The following LIMCH1 variants were observed in gnomAD, a reference collection of about 807,000 sequenced individuals.
LIMCH1 encodes the protein LIM and calponin homology domains-containing protein 1.
Under a neutral mutation model 176.5 loss-of-function variants are expected in LIMCH1, and 113 were observed. The observed-to-expected ratio is 0.64, with a 90% CI of 0.55 to 0.75. The LOEUF (loss-of-function observed/expected upper bound fraction) is 0.75, where lower values mean the gene tolerates loss of function less well. Ranked by LOEUF, LIMCH1 falls within the 30% of genes least tolerant of loss-of-function variation. LIMCH1 has a pLI of 0.00. For synonymous variants in LIMCH1, 619 were observed against 645.9 expected (o/e 0.96, Z 0.63); for missense variants, 1,674 against 1,814.9 (o/e 0.92, Z 1.41).
At chr4:41,466,023 A>G (rs1203585688) in intron 1 of LIMCH1, among the ~76,000 whole-genome samples, 1 of 141,702 alleles carries the variant, frequency 7.1e-6, no homozygotes, top group African/African-American at 2.7e-5. Context: ...CAGTGGCACG[A>G]TCTGGGCTCA....
chr4:41,516,415 T>C (rs1377948337), intron 2 of LIMCH1, among the ~76,000 whole-genome samples: 1 of 152,230 alleles, frequency 6.6e-6, no homozygotes, highest in Non-Finnish European at 1.5e-5. Context: ...AAGCACTCTC[T>C]TCAGATTTAG....
intron 2 of LIMCH1, among the ~76,000 whole-genome samples, chr4:41,520,329 C>G (rs2075995787): frequency 6.6e-6 from 1 of 152,072 alleles, no homozygotes; most frequent in Non-Finnish European, 1.5e-5. Flanking sequence ...TTTCTGCTGA[C>G]TGTTCAATCT....
Position 41,598,933 on chromosome 4 carries a change from T to C in LIMCH1, c.-227T>C. ...TTTTCCTTCTAGGACAATATTATCT[T>C]ATTCTTGAGAGGTTGTAAAGAGCTC... On this transcript the variant is annotated 5_prime_UTR_variant, in exon 2 of 32. Coordinates refer to ENST00000503057, the MANE Select transcript of LIMCH1 (RefSeq NM_001330672.2). The C allele has an allele frequency of 6.2e-7, 1 of 1,604,216 alleles. No homozygotes were observed. The highest frequency in any genetic ancestry group is 2.2e-5 in the East Asian group (1 of 44,794).
At chr4:41,574,332 C>T (rs1397031587) in intron 1 of LIMCH1, among the ~76,000 whole-genome samples, 4 of 139,136 alleles carry the variant, frequency 2.9e-5, no homozygotes, top group South Asian at 2.5e-4. Flanking sequence ...CTTGCTGTGT[C>T]GACCAGGCTG....
In LIMCH1 at chr4:41,633,049, C is replaced by T; in HGVS notation, c.1793C>T (p.Ser598Leu). 1 of 1,535,930 alleles carries T rather than the reference C, an allele frequency of 6.5e-7. No individual in the cohort carries two copies. Among genetic ancestry groups the T allele is most frequent in the African/African-American group, 1.4e-5 (1 of 73,152 alleles). The change falls in exon 12 of 32, where the codon TCA becomes TTA. Residue 598 changes from serine to leucine, a missense_variant. Physicochemically the swap from Ser to Leu is moderately radical, Grantham distance 145. Transcript: ENST00000503057. The stretch of plus-strand genomic sequence containing the variant: ...GCTCCAAGAGATTCTGAGAGGCTGT[C>T]AAAGGCAGAAAGATCAGAGGACAGC... ...ESAPRDSERL[S>L]KAERSEDSSQ...
At chr4:41,567,232 C>T (rs2082897329) in intron 1 of LIMCH1, among the ~76,000 whole-genome samples, 1 of 152,168 alleles carries the variant, frequency 6.6e-6, no homozygotes, top group South Asian at 2.1e-4. Context: ...TACTCTACCT[C>T]TCTGTGCCTT....
chr4:41,552,396 T>A (rs2080583296), intron 1 of LIMCH1, among the ~76,000 whole-genome samples: 1 of 152,166 alleles, frequency 6.6e-6, no homozygotes, highest in African/African-American at 2.4e-5. Flanking sequence ...AAACATGGCA[T>A]GTGCCACGCC....
At chr4:41,385,769 A>G (rs942010600) in intron 1 of LIMCH1, 2 of 152,046 alleles carry the variant, frequency 1.3e-5, no homozygotes, top group African/African-American at 4.8e-5. Context: ...GTTATTTAGG[A>G]CCCCATTTGT....
chr4:41,544,018 T>C (rs1179294501), intron 1 of LIMCH1, among the ~76,000 whole-genome samples: 2 of 152,138 alleles, frequency 1.3e-5, no homozygotes, highest in Admixed American at 6.5e-5. Context: ...TGGACATGCT[T>C]CCCTGCAGCA....
chr4:41,566,077 C>T (rs2082726113), intron 1 of LIMCH1, among the ~76,000 whole-genome samples: 2 of 152,188 alleles, frequency 1.3e-5, no homozygotes. Context: ...TCTCATTCAT[C>T]CCTGAACTCT....
intron 3 of LIMCH1, among the ~76,000 whole-genome samples, chr4:41,531,519 C>T (rs913809017): frequency 7.1e-6 from 1 of 141,064 alleles, no homozygotes; most frequent in Admixed American, 7.0e-5. Flanking sequence ...CACACACATA[C>T]ACACCTTATA....
At chr4:41,411,703 G>T (rs1449677855) in intron 1 of LIMCH1, among the ~76,000 whole-genome samples, 1 of 151,464 alleles carries the variant, frequency 6.6e-6, no homozygotes, top group Non-Finnish European at 1.5e-5. Context: ...GCTCACGCCT[G>T]TAATACCAGC....
At chr4:41,481,370 G>A (rs2068591630) in intron 1 of LIMCH1, among the ~76,000 whole-genome samples, 2 of 152,322 alleles carry the variant, frequency 1.3e-5, no homozygotes, top group South Asian at 4.1e-4. Flanking sequence ...GGAGAACTGA[G>A]TCTGGACTCA....
chr4:41,580,473 T>A (rs1179391436), intron 1 of LIMCH1, among the ~76,000 whole-genome samples: 1 of 152,080 alleles, frequency 6.6e-6, no homozygotes, highest in Non-Finnish European at 1.5e-5. Flanking sequence ...CATCATCACT[T>A]CCATTTTCAT....
chr4:41,519,928 G>A (rs2075952366), intron 2 of LIMCH1, among the ~76,000 whole-genome samples: 1 of 152,054 alleles, frequency 6.6e-6, no homozygotes, highest in Non-Finnish European at 1.5e-5. Flanking sequence ...TTAAAACCTA[G>A]GCTACTGACT....
intron 1 of LIMCH1, among the ~76,000 whole-genome samples, chr4:41,425,786 A>G (rs2061024838): frequency 6.6e-6 from 1 of 152,154 alleles, no homozygotes; most frequent in South Asian, 2.1e-4. Flanking sequence ...TTTCCTGACA[A>G]ACACATTTCT....
intron 1 of LIMCH1, among the ~76,000 whole-genome samples, chr4:41,565,973 AC>A (rs2082715150): frequency 6.6e-6 from 1 of 152,174 alleles, no homozygotes; most frequent in Admixed American, 6.5e-5. Flanking sequence ...GACAACTTAT[AC>A]TGTAGATATT....
rs559208550 is a variant in LIMCH1 at position 41,631,279 on chromosome 4, T to C, written c.1403T>C (p.Phe468Ser). The change falls in exon 10 of 32, where the codon TTT (phenylalanine) becomes TCT (serine). Residue 468 changes from phenylalanine to serine, a missense_variant. By Grantham distance (155) the Phe-to-Ser change is radical. Around this residue, in one of 3 missense-constraint regions of LIMCH1, gnomAD observed 655 missense variants for 692.2 expected, o/e 0.95. Coordinates refer to ENST00000503057, the MANE Select transcript of LIMCH1 (RefSeq NM_001330672.2). ...AAAGCTTCCAGCCCCAGGCAAAAGT[T>C]TGTGCACTTTGGGCCAGTGACGGAG... ...SKKASSPRQK[F>S]VHFGPVTELD... The C allele has an allele frequency of 1.7e-4, 266 of 1,536,074 alleles. No homozygotes were observed. Among genetic ancestry groups the C allele is most frequent in the Non-Finnish European group, 2.1e-4 (239 of 1,146,888 alleles).
chr4:41,654,826 G>A (rs564351219), intron 18 of LIMCH1, among the ~76,000 whole-genome samples: 2 of 152,286 alleles, frequency 1.3e-5, no homozygotes, highest in East Asian at 3.9e-4. Flanking sequence ...AGGTCCTCCT[G>A]TGGCCACCCA....
Sources: gnomAD v4.1 joint callset for allele counts (sites outside exome capture counted in the v4.1 genomes callset) on GRCh38, gnomAD v4.1.1 for gene constraint, gnomAD v4.1.1 regional missense constraint, MANE v1.5 for transcripts, NCBI Gene and HGNC (gene_info 2026-07-23, HGNC 2026-07-21) for gene names.